Variants in SOX5 observed in about 807,000 individuals in gnomAD.
SOX5 encodes the protein transcription factor SOX-5.
In SOX5, 9 loss-of-function variants were observed where a neutral mutation model predicts 92.0. The ratio of observed to expected loss-of-function variants is 0.10; its 90% CI spans 0.06 to 0.17. The LOEUF is 0.17. SOX5 is among the 10% of genes least tolerant of loss of function. The pLI, the probability that SOX5 is intolerant of heterozygous loss-of-function variation, is 1.00. For missense variants in SOX5, 642 were observed against 944.5 expected (o/e 0.68, Z 4.20); for synonymous variants, 344 against 336.3 (o/e 1.02, Z -0.25).
At chr12:24,490,687 T>C (rs1437250896) in intron 1 of SOX5, among the ~76,000 whole-genome samples, 2 of 152,196 alleles carry the variant, frequency 1.3e-5, no homozygotes, top group African/African-American at 2.4e-5. Flanking sequence ...TTTTTTTTAA[T>C]GGTGTTGTGT....
chr12:23,697,003 G>A (rs886093241), intron 6 of SOX5, among the ~76,000 whole-genome samples: 1 of 151,802 alleles, frequency 6.6e-6, no homozygotes, highest in African/African-American at 2.4e-5. Flanking sequence ...ACCTTTAATG[G>A]CCCAGAGTGT....
intron 3 of SOX5, among the ~76,000 whole-genome samples, chr12:23,793,082 C>A (rs539826674): frequency 6.6e-6 from 1 of 152,114 alleles, no homozygotes; most frequent in Admixed American, 6.5e-5. Context: ...AGACTTTCAC[C>A]TAAGGATTTT....
chr12:24,338,367 A>G (rs1382124364), intron 2 of SOX5, among the ~76,000 whole-genome samples: 1 of 152,240 alleles, frequency 6.6e-6, no homozygotes, highest in East Asian at 1.9e-4. Context: ...AGAGTAGATA[A>G]GCATGTGCTC....
At chr12:23,720,720 G>A (rs1311520417) in intron 6 of SOX5, among the ~76,000 whole-genome samples, 1 of 152,076 alleles carries the variant, frequency 6.6e-6, no homozygotes, top group Non-Finnish European at 1.5e-5. Flanking sequence ...CAAAATTTAA[G>A]ATTTCCTAAT....
intron 1 of SOX5, among the ~76,000 whole-genome samples, chr12:24,506,922 C>T (rs1948838818): frequency 6.6e-6 from 1 of 150,516 alleles, no homozygotes; most frequent in Non-Finnish European, 1.5e-5. Context: ...TCCCAAGTAG[C>T]TGGGACTACA....
chr12:24,172,545 A>C (rs1236406268), intron 4 of SOX5, among the ~76,000 whole-genome samples: 1 of 152,156 alleles, frequency 6.6e-6, no homozygotes, highest in Non-Finnish European at 1.5e-5. Context: ...TCTTAAGAAA[A>C]AAGAAAAGAA....
At chr12:23,821,869 A>C (rs2096125253) in intron 3 of SOX5, among the ~76,000 whole-genome samples, 1 of 152,046 alleles carries the variant, frequency 6.6e-6, no homozygotes, top group South Asian at 2.1e-4. Flanking sequence ...GTGCCCAGGA[A>C]TTTATCCATT....
chr12:24,344,096 A>C (rs1952907056), intron 2 of SOX5, among the ~76,000 whole-genome samples: 2 of 152,038 alleles, frequency 1.3e-5, no homozygotes, highest in South Asian at 4.1e-4. Flanking sequence ...CATCCTGACC[A>C]ACATGGTGAA....
At chr12:23,736,852 G>C (rs2093617278) in intron 5 of SOX5, among the ~76,000 whole-genome samples, 1 of 151,788 alleles carries the variant, frequency 6.6e-6, no homozygotes, top group South Asian at 2.1e-4. Flanking sequence ...CACCATGCCT[G>C]ATTAATTTTT....
chr12:23,743,616 T>C (rs1022140273), intron 4 of SOX5, among the ~76,000 whole-genome samples: 3 of 152,196 alleles, frequency 2.0e-5, no homozygotes, highest in African/African-American at 4.8e-5. Context: ...TTTTCCACAA[T>C]GGTTATTATT....
intron 3 of SOX5, among the ~76,000 whole-genome samples, chr12:23,845,142 T>C (rs899201353): frequency 1.3e-5 from 2 of 152,250 alleles, no homozygotes; most frequent in South Asian, 4.1e-4. Context: ...TGTTACACGG[T>C]ATACACGCAG....
intron 4 of SOX5, among the ~76,000 whole-genome samples, chr12:24,124,739 T>C (rs777586409): frequency 3.9e-5 from 6 of 152,278 alleles, no homozygotes; most frequent in Non-Finnish European, 4.4e-5. Context: ...TGGAATAAAA[T>C]ATTTCTCAAA....
intron 4 of SOX5, among the ~76,000 whole-genome samples, chr12:24,116,857 C>T (rs1212938278): frequency 6.6e-6 from 1 of 151,694 alleles, no homozygotes; most frequent in Admixed American, 6.6e-5. Context: ...AAAATTTTAA[C>T]TGCCATCTAT....
chr12:24,060,391 C>A lies in SOX5; in HGVS notation c.-2+152952G>T, dbSNP rs150607327. 2.0e-5 allele frequency among the ~76,000 whole-genome samples: 3 copies of A among 152,338 alleles called. No individual in the cohort carries two copies. The East Asian group carries it at 5.8e-4, about 29-fold the overall frequency. Reference sequence around the variant, plus strand: ...TTATACTCTCAACCATGACAACTCTCCTGCAGGTGCATGGGCTTTGGAATC... The same window carrying A: ...TTATACTCTCAACCATGACAACTCTACTGCAGGTGCATGGGCTTTGGAATC... On this transcript the variant is annotated intron_variant, in intron 4 of 4. Transcript: ENST00000446891.
chr12:24,179,971 G>A (rs142832696), intron 4 of SOX5, among the ~76,000 whole-genome samples: 1 of 151,284 alleles, frequency 6.6e-6, no homozygotes, highest in East Asian at 1.9e-4. Context: ...GAAAAGTTAT[G>A]GGACCTCACT....
chr12:23,833,652 C>G (rs10842232), intron 3 of SOX5, among the ~76,000 whole-genome samples: 1 of 151,672 alleles, frequency 6.6e-6, no homozygotes, highest in Admixed American at 6.6e-5. Context: ...AATTTTATAT[C>G]TTGGGTATTA....
intron 3 of SOX5, among the ~76,000 whole-genome samples, chr12:23,798,599 C>CAAA (rs57605234): frequency 3.3e-4 from 41 of 124,242 alleles, no homozygotes; most frequent in African/African-American, 1.1e-3. Flanking sequence ...GCAAAAGAAC[C>CAAA]AAAAAAAAAA....
chr12:23,544,586 T>C (rs1226041941), intron 12 of SOX5, among the ~76,000 whole-genome samples: 5 of 152,192 alleles, frequency 3.3e-5, no homozygotes, highest in African/African-American at 9.6e-5. Flanking sequence ...ATTCAAAACA[T>C]AGCATACCTG....
intron 1 of SOX5, among the ~76,000 whole-genome samples, chr12:24,555,114 G>A (rs534601564): frequency 6.6e-6 from 1 of 152,314 alleles, no homozygotes; most frequent in Non-Finnish European, 1.5e-5. Flanking sequence ...TCGCGCTGAG[G>A]GCCACTTGAG....
Sources: allele counts gnomAD v4.1 joint callset (sites outside exome capture counted in the v4.1 genomes callset), GRCh38; gene constraint gnomAD v4.1.1; transcripts MANE v1.5; gene names NCBI Gene and HGNC (gene_info 2026-07-23, HGNC 2026-07-21).